The following BEST3 variants were observed in gnomAD, a reference collection of about 807,000 sequenced individuals.
The protein encoded by BEST3 is bestrophin 3.
Under a neutral mutation model 47.1 loss-of-function variants are expected in BEST3, and 50 were observed. The observed-to-expected ratio is 1.06, with a 90% confidence interval of 0.85 to 1.34. The LOEUF (loss-of-function observed/expected upper bound fraction) is 1.34. BEST3 is among the 40% of genes most tolerant of loss of function. BEST3 has a pLI of 0.00. For synonymous variants in BEST3, 282 were observed against 298.8 expected, an observed-to-expected ratio of 0.94 and a Z score of 0.58; for missense variants, 765 against 817.0, an observed-to-expected ratio of 0.94 and a Z score of 0.78.
At chr12:69,658,430 A>T (rs1249722602) in intron 9 of BEST3, among the ~76,000 whole-genome samples, 2 of 152,134 alleles carry the variant, frequency 1.3e-5, no homozygotes, top group African/African-American at 2.4e-5. Context: ...TGCTCTTGCT[A>T]TGTTGGACTG....
chr12:69,661,305 A>G (rs1292254261), intron 9 of BEST3: 1 of 152,240 alleles, frequency 6.6e-6, no homozygotes, highest in Non-Finnish European at 1.5e-5. Flanking sequence ...TTGAAGCGGT[A>G]TTTTGACAAT....
intron 8 of BEST3, 77 bp from the exon 9 acceptor site, chr12:69,671,656 G>C: frequency 7.3e-7 from 1 of 1,364,662 alleles, no homozygotes; most frequent in Non-Finnish European, 1.0e-6. Context: ...GGGCAGATGA[G>C]AGTTAGATTG....
intron 2 of BEST3, 128 bp downstream of exon 2, chr12:69,697,519 A>G (rs1592382105): frequency 1.5e-6 from 1 of 688,192 alleles, no homozygotes; most frequent in African/African-American, 1.9e-5. Flanking sequence ...AAGAAGACAA[A>G]TGAGAGGCTC....
chr12:69,691,161 T>G (rs908351917), intron 4 of BEST3, among the ~76,000 whole-genome samples: 4 of 152,222 alleles, frequency 2.6e-5, no homozygotes, highest in Non-Finnish European at 5.9e-5. Flanking sequence ...ATGCTGTTGT[T>G]TGAGATGTAA....
chr12:69,653,307 A>G (rs1224438156), downstream of BEST3, among the ~76,000 whole-genome samples: 1 of 152,182 alleles, frequency 6.6e-6, no homozygotes, highest in Non-Finnish European at 1.5e-5. Flanking sequence ...TTTAGCCTGA[A>G]TCTGTGAGTT....
chr12:69,688,447 A>C (rs892348410), intron 4 of BEST3, among the ~76,000 whole-genome samples: 2 of 152,242 alleles, frequency 1.3e-5, no homozygotes, highest in Non-Finnish European at 2.9e-5. Flanking sequence ...CAGAAACAAA[A>C]ACTTTTTTAT....
chr12:69,649,813 C>T (rs1297934556), downstream of BEST3, among the ~76,000 whole-genome samples: 2 of 152,234 alleles, frequency 1.3e-5, no homozygotes, highest in East Asian at 1.9e-4. Context: ...GGCTGAGAGC[C>T]ACTGGCCTAG....
At chr12:69,648,198 A>G (rs948410777) in intron 9 of BEST3, among the ~76,000 whole-genome samples, 3 of 152,122 alleles carry the variant, frequency 2.0e-5, no homozygotes, top group African/African-American at 7.2e-5. Flanking sequence ...TCTTCTATGG[A>G]TCCCTAGGTT....
At chr12:69,674,359 C>T (rs766746752) in intron 7 of BEST3, among the ~76,000 whole-genome samples, 80 of 152,190 alleles carry the variant, frequency 5.3e-4, no homozygotes, top group Non-Finnish European at 1.1e-3. Context: ...GGTCCCTCCC[C>T]GAGAGATTCT....
intron 7 of BEST3, among the ~76,000 whole-genome samples, chr12:69,674,051 A>C (rs1384412810): frequency 6.6e-6 from 1 of 152,074 alleles, no homozygotes; most frequent in Non-Finnish European, 1.5e-5. Flanking sequence ...TATTATCTGG[A>C]CATGCGTGCA....
At chr12:69,669,610 C>T (rs1001378408) in intron 9 of BEST3, 1 of 152,162 alleles carries the variant, frequency 6.6e-6, no homozygotes, top group Non-Finnish European at 1.5e-5. Context: ...AGTTTGACAT[C>T]CACAAATAAA....
intron 5 of BEST3, among the ~76,000 whole-genome samples, chr12:69,678,218 T>A (rs184248917): frequency 9.6e-6 from 1 of 104,170 alleles, no homozygotes; most frequent in African/African-American, 3.3e-5. Flanking sequence ...GGCACAAATA[T>A]ACCCAGCCCT....
chr12:69,684,596 A>T (rs770201771), intron 4 of BEST3: 13 of 678,738 alleles, frequency 1.9e-5, no homozygotes, highest in Non-Finnish European at 3.1e-5. Context: ...AATGGGTTTC[A>T]TGCCAGTTCT....
rs1886031684 is a variant in BEST3, at chr12:69,693,897, A to G, written c.258T>C (p.Val86=). 1 of 1,607,230 alleles carries G rather than the reference A, an allele frequency of 6.2e-7. No individual in the cohort carries two copies. Among genetic ancestry groups the G allele is most frequent in the Admixed American group, 1.7e-5 (1 of 59,190 alleles). Residue 86 remains valine (V), a synonymous_variant, in exon 4 of 10, where the codon GTT becomes GTC. Coordinates refer to ENST00000330891, the MANE Select transcript of BEST3 (RefSeq NM_032735.3). ...TCCACCATCGGTTCACTACCAGAGTAACATAAAACCCTGTAGAATAACAGG... is the reference window on the plus strand; with the variant it reads ...TCCACCATCGGTTCACTACCAGAGTGACATAAAACCCTGTAGAATAACAGG... ...IPVTFVLGFY[V]TLVVNRWWNQ...
intron 9 of BEST3, among the ~76,000 whole-genome samples, chr12:69,658,865 T>C (rs981737826): frequency 1.3e-4 from 20 of 152,250 alleles, no homozygotes; most frequent in African/African-American, 4.6e-4. Flanking sequence ...GACCGTGCCA[T>C]GAAGAGTCGT....
chr12:69,670,179 C>A, intron 9 of BEST3: 1 of 356,316 alleles, frequency 2.8e-6, no homozygotes, highest in Non-Finnish European at 5.2e-6. Context: ...TCTGCCCCTG[C>A]AGAAGGTATC....
At chr12:69,648,577 C>T (rs925646333) in intron 9 of BEST3, among the ~76,000 whole-genome samples, 1 of 152,182 alleles carries the variant, frequency 6.6e-6, no homozygotes, top group African/African-American at 2.4e-5. Flanking sequence ...TTCTCAGGAC[C>T]TGCAGAGAGA....
Position 69,655,327 on chromosome 12 carries a change from A to T in BEST3, c.1587T>A (p.Ser529=). The change falls in exon 10 of 10, where the codon TCT becomes TCA. Residue 529 remains serine, a synonymous_variant. Coordinates refer to ENST00000330891, the MANE Select transcript of BEST3 (RefSeq NM_032735.3). ...HHDSATSILS[S]EFTGVQPSKT... ...TGCTTGGCTGAACCCCTGTAAACTC[A>T]GAGCTCAAGATGGAGGTAGCGGAAT... is the stretch of plus-strand genomic sequence containing the variant. The T allele has an allele frequency of 1.9e-6, 3 of 1,614,102 alleles. No individual in the cohort carries two copies. The highest frequency in any genetic ancestry group is 2.5e-6 in the Non-Finnish European group (3 of 1,180,012).
In BEST3 at chr12:69,677,275, C is replaced by G. The variant is rs1331433721; in HGVS notation, c.637-18G>C. On this transcript the variant is annotated intron_variant, in intron 5 of 9. Transcript: ENST00000330891. ...TTCATTTCCTAAGCCAGAAACAGATCAAGCATGATTTACTAAGATGACGGG... is the reference window on the plus strand; with the variant it reads ...TTCATTTCCTAAGCCAGAAACAGATGAAGCATGATTTACTAAGATGACGGG... 5 of 1,598,434 alleles carry G rather than the reference C, an allele frequency of 3.1e-6. No homozygotes were observed. The African/African-American group carries it at 6.7e-5, about 21-fold the overall frequency.
Sources: gnomAD v4.1 joint callset for allele counts (sites outside exome capture counted in the v4.1 genomes callset) on GRCh38, gnomAD v4.1.1 for gene constraint, MANE v1.5 for transcripts, NCBI Gene and HGNC (gene_info 2026-07-23, HGNC 2026-07-21) for gene names.